The following ZNF106 variants were observed in gnomAD, a reference collection of about 807,000 sequenced individuals.
ZNF106 encodes zinc finger protein 106.
In ZNF106, 67 loss-of-function variants were observed where a neutral mutation model predicts 195.1. That is an observed-to-expected ratio of 0.34 (90% CI 0.28 to 0.42). ZNF106 has a LOEUF of 0.42. Ranked by LOEUF, ZNF106 falls within the 10% of genes least tolerant of loss-of-function variation. The probability of loss-of-function intolerance (pLI) is 1.00; values close to 1 mark genes in which losing one functional copy is unlikely to be tolerated. For synonymous variants in ZNF106, 784 were observed against 818.6 expected, an observed-to-expected ratio of 0.96 and a Z score of 0.72; for missense variants, 2,118 against 2,304.5, an observed-to-expected ratio of 0.92 and a Z score of 1.66.
rs577185237 is a variant in ZNF106, at chr15:42,415,739, GTTTTT to G, written c.*1560_*1564del. The G allele has an allele frequency of 2.3e-4, 34 of 150,010 alleles. No homozygotes were observed. The highest frequency in any genetic ancestry group is 2.0e-3 in the South Asian group (13 of 6,486). The allele number at this position is 150,010 out of a possible 1,614,324, so 9.3% of individuals were successfully genotyped here. A position where few individuals can be genotyped will look rare whatever the true frequency, so the allele number is the denominator to read the frequency against. On this transcript the variant is annotated 3_prime_UTR_variant, in exon 22 of 22. Coordinates refer to ENST00000564754, the MANE Select transcript of ZNF106 (RefSeq NM_001366845.3). ...AATTTTATCTCTCTGAAGAAGCTGA[GTTTTT>G]TTTTTTTTTTTTGAGACGGAGTCTC...
intron 1 of ZNF106, among the ~76,000 whole-genome samples, chr15:42,487,159 T>A (rs534030226): frequency 6.6e-5 from 10 of 150,930 alleles, no homozygotes; most frequent in East Asian, 5.8e-4. Context: ...TTTAAAAAAA[T>A]AAAATAAAAT....
rs56924955 is a variant in ZNF106, at chr15:42,440,998, AATATATATATATATAT to A, written c.3763+1059_3763+1074del. On this transcript the variant is annotated intron_variant, in intron 10 of 21. Transcript: ENST00000564754. ...AAACTCTGTCTAAAAAAAAAAAAAA[AATATATATATATATAT>A]ATATATATATATATATATATATATA... 2.3e-3 allele frequency among the ~76,000 whole-genome samples: 55 copies of A among 23,580 alleles called. 1 individual carries two copies. Among genetic ancestry groups the A allele is most frequent in the Middle Eastern group, 0.028 (1 of 36 alleles). The allele number at this position is 23,580 out of a possible 152,430, so 15.5% of individuals were successfully genotyped here. A position where few individuals can be genotyped will look rare whatever the true frequency, so the allele number is the denominator to read the frequency against.
Position 42,449,173 on chromosome 15 carries a change from T to C in ZNF106, c.2502-468A>G, listed in dbSNP as rs184762453. Among the ~76,000 whole-genome samples the C allele has an allele frequency of 2.3e-3, 346 of 152,318 alleles. 2 individuals carry two copies. Among genetic ancestry groups the C allele is most frequent in the African/African-American group, 7.8e-3 (324 of 41,576 alleles). ...CCCTGAAGCCTGGAGAACTGTATCA[T>C]CATGCAGCAGAGTTATGACTTTCAA... On this transcript the variant is annotated intron_variant, in intron 5 of 21. Transcript: ENST00000564754.
In ZNF106 at chr15:42,451,189, A is replaced by G. The variant is rs752004226; in HGVS notation, c.1083T>C (p.Asn361=). The change falls in exon 5 of 22, where the codon AAT becomes AAC. Residue 361 remains asparagine (N), a synonymous_variant. Coordinates refer to ENST00000564754, the MANE Select transcript of ZNF106 (RefSeq NM_001366845.3). Reference sequence around the variant, plus strand: ...GAGGCTTTTCCCTTGCCGCACTGCCATTCTTTCCACTAACTTTGGAAGTAG... The same window carrying G: ...GAGGCTTTTCCCTTGCCGCACTGCCGTTCTTTCCACTAACTTTGGAAGTAG... ...DTATSKVSGK[N]GSAAREKPRR... The G allele has an allele frequency of 1.2e-6, 2 of 1,614,122 alleles. No homozygotes were observed. Among genetic ancestry groups the G allele is most frequent in the Non-Finnish European group, 1.7e-6 (2 of 1,180,026 alleles).
intron 10 of ZNF106, among the ~76,000 whole-genome samples, chr15:42,440,998 AATATATATAT>A (rs56924955): frequency 4.9e-3 from 116 of 23,526 alleles, no homozygotes; most frequent in South Asian, 8.8e-3. Context: ...AAAAAAAAAA[AATATATATAT>A]ATATATATAT....
intron 1 of ZNF106, among the ~76,000 whole-genome samples, chr15:42,476,091 T>A (rs1165100166): frequency 6.6e-6 from 1 of 152,224 alleles, no homozygotes; most frequent in Non-Finnish European, 1.5e-5. Flanking sequence ...AGTTATTTTT[T>A]CCTTTCACAA....
At chr15:42,445,118 A>C in intron 7 of ZNF106, 137 bp from the exon 8 acceptor site, 1 of 1,051,620 alleles carries the variant, frequency 9.5e-7, no homozygotes, top group Non-Finnish European at 1.3e-6. Flanking sequence ...AATTCATAAA[A>C]CATTTAGTCA....
chr15:42,458,275 GT>G (rs2056296893), intron 3 of ZNF106, among the ~76,000 whole-genome samples: 1 of 151,972 alleles, frequency 6.6e-6, no homozygotes, highest in Non-Finnish European at 1.5e-5. Context: ...GTGCACCTCT[GT>G]TCCATCTTTC....
At chr15:42,476,463 T>C (rs1361349765) in intron 1 of ZNF106, among the ~76,000 whole-genome samples, 1 of 152,142 alleles carries the variant, frequency 6.6e-6, no homozygotes, top group Non-Finnish European at 1.5e-5. Context: ...AATCCAAACC[T>C]ACTGCCATCC....
chr15:42,450,314 C>T lies in ZNF106; in HGVS notation c.1958G>A (p.Arg653His), dbSNP rs762361078. The T allele has an allele frequency of 2.2e-5, 35 of 1,613,998 alleles. No homozygotes were observed. The highest frequency in any genetic ancestry group is 1.6e-4 in the Middle Eastern group (1 of 6,082). The change falls in exon 5 of 22, where the codon CGC becomes CAC. Residue 653 changes from arginine to histidine, a missense_variant. By Grantham distance (29) the Arg-to-His change is conservative. Coordinates refer to ENST00000564754, the MANE Select transcript of ZNF106 (RefSeq NM_001366845.3). ...TAGCTCTCTAGAAGTCTTCAGGATGCGGTCATCCTCCTCTTTCTCATCAGC... is the reference window on the plus strand; with the variant it reads ...TAGCTCTCTAGAAGTCTTCAGGATGTGGTCATCCTCCTCTTTCTCATCAGC... The part of the protein sequence containing the change: ...RTADEKEEDD[R>H]ILKTSRELST...
chr15:42,438,888 G>A (rs1214577706), intron 11 of ZNF106, 145 bp downstream of exon 11: 26 of 993,906 alleles, frequency 2.6e-5, no homozygotes, highest in Non-Finnish European at 3.5e-5. Context: ...CTACTGCTGA[G>A]CTTTAATTTT....
At chr15:42,457,598 G>C in intron 3 of ZNF106, 1 of 971,360 alleles carries the variant, frequency 1.0e-6, no homozygotes, top group Non-Finnish European at 1.2e-6. Context: ...TGAAAGTTAA[G>C]GGGTGGAAAC....
chr15:42,488,880 C>A (rs1340836383), intron 1 of ZNF106, among the ~76,000 whole-genome samples: 3 of 151,886 alleles, frequency 2.0e-5, no homozygotes, highest in Non-Finnish European at 2.9e-5. Context: ...AGTTCAAGAC[C>A]AGCCCAGCCA....
At chr15:42,482,912 G>C (rs1297620325) in intron 1 of ZNF106, among the ~76,000 whole-genome samples, 1 of 152,072 alleles carries the variant, frequency 6.6e-6, no homozygotes, top group Non-Finnish European at 1.5e-5. Flanking sequence ...CCAAGGTTTG[G>C]GCAGAGTTTA....
rs147669419 is a variant in ZNF106 at position 42,450,598 on chromosome 15, T to C, written c.1674A>G (p.Leu558=). The C allele has an allele frequency of 4.5e-5, 72 of 1,614,234 alleles. No individual in the cohort carries two copies. In the African/African-American group the frequency reaches 8.8e-4, roughly 20 times the overall value. ...ACTGTAGCACCTCTTTGGCCTTTCG[T>C]AAAGTATCATTTAAATTATCACCAG... ...KQSGDNLNDT[L]RKAKEVLQCH... is the part of the protein sequence containing the mutation. The change falls in exon 5 of 22, where the codon TTA becomes TTG. Residue 558 remains leucine, a synonymous_variant. Transcript: ENST00000564754.
chr15:42,447,076 C>T (rs1397448751), intron 6 of ZNF106, among the ~76,000 whole-genome samples: 1 of 152,244 alleles, frequency 6.6e-6, no homozygotes, highest in African/African-American at 2.4e-5. Flanking sequence ...AGCTCTTTGT[C>T]ATAGGACAAT....
intron 14 of ZNF106, among the ~76,000 whole-genome samples, chr15:42,432,456 C>T (rs992027227): frequency 1.9e-4 from 29 of 152,120 alleles, no homozygotes; most frequent in African/African-American, 6.3e-4. Flanking sequence ...TGCCCAGTCA[C>T]GTGTCTTAAA....
chr15:42,456,537 A>T (rs2056232314), intron 4 of ZNF106, among the ~76,000 whole-genome samples: 1 of 152,094 alleles, frequency 6.6e-6, no homozygotes, highest in East Asian at 1.9e-4. Context: ...CTGTAATCCC[A>T]GCTACTCAGG....
chr15:42,431,547 C>T (rs540682965), intron 14 of ZNF106, among the ~76,000 whole-genome samples: 1 of 152,114 alleles, frequency 6.6e-6, no homozygotes, highest in East Asian at 1.9e-4. Context: ...GCACGTACCA[C>T]CAGGCCCAGC....
Sources: allele counts gnomAD v4.1 joint callset (sites outside exome capture counted in the v4.1 genomes callset), GRCh38; gene constraint gnomAD v4.1.1; transcripts MANE v1.5; gene names NCBI Gene and HGNC (gene_info 2026-07-23, HGNC 2026-07-21).